FSTL5: variants seen among roughly 807,000 people sequenced by gnomAD.
FSTL5 encodes follistatin like 5.
A neutral mutation model predicts 89.1 loss-of-function variants in FSTL5; 62 were observed. The observed-to-expected ratio is 0.70, with a 90% CI of 0.57 to 0.86. The LOEUF (loss-of-function observed/expected upper bound fraction) is 0.86. Among genes scored for constraint, FSTL5 ranks in the 40% least tolerant of loss-of-function variants. The probability of loss-of-function intolerance (pLI) is 0.00; values close to 1 mark genes in which losing one functional copy is unlikely to be tolerated. For synonymous variants in FSTL5, 383 were observed against 346.2 expected (o/e 1.11, Z -1.18); for missense variants, 1,057 against 1,001.6 (o/e 1.06, Z -0.75).
intron 6 of FSTL5, among the ~76,000 whole-genome samples, chr4:161,724,220 G>T (rs1423446738): frequency 6.6e-6 from 1 of 152,028 alleles, no homozygotes; most frequent in East Asian, 1.9e-4. Flanking sequence ...AATGAAGAGA[G>T]GTGATACATA....
rs181813654 is a variant in FSTL5 at position 162,064,233 on chromosome 4, A to G, written c.127-30575T>C. Among the ~76,000 whole-genome samples, 3 of 152,160 alleles carry G rather than the reference A, an allele frequency of 2.0e-5. No individual in the cohort carries two copies. In the East Asian group the frequency reaches 5.8e-4, roughly 29 times the overall value. On this transcript the variant is annotated intron_variant, in intron 2 of 15. Transcript: ENST00000306100. ...TATTTACGGATAAGAATTTTTACCAAAAATAACCTTTGGTACCTGCATGAT... is the reference window on the plus strand; with the variant it reads ...TATTTACGGATAAGAATTTTTACCAGAAATAACCTTTGGTACCTGCATGAT...
chr4:162,108,172 A>AAGT (rs1731293703), intron 2 of FSTL5, among the ~76,000 whole-genome samples: 1 of 152,146 alleles, frequency 6.6e-6, no homozygotes, highest in African/African-American at 2.4e-5. Flanking sequence ...TGTGGATTAT[A>AAGT]AGTAAGATTT....
At chr4:162,146,928 C>T (rs1369433258) in intron 1 of FSTL5, among the ~76,000 whole-genome samples, 1 of 151,864 alleles carries the variant, frequency 6.6e-6, no homozygotes, top group Non-Finnish European at 1.5e-5. Flanking sequence ...ACTACAGGCG[C>T]ACGCCACCAT....
intron 4 of FSTL5, among the ~76,000 whole-genome samples, chr4:161,825,633 A>AG (rs2126855588): frequency 6.6e-6 from 1 of 152,204 alleles, no homozygotes; most frequent in South Asian, 2.1e-4. Context: ...GTATATTTCC[A>AG]GGAATTTATC....
rs542075961 is a variant in FSTL5 at position 162,001,501 on chromosome 4, CATT to C, written c.160+32121_160+32123del. Among the ~76,000 whole-genome samples, 5 of 152,124 alleles carry C rather than the reference CATT, an allele frequency of 3.3e-5. No homozygotes were observed. The South Asian group carries it at 1.0e-3, about 32-fold the overall frequency. ...TGTTTCTATGAGATCTAGTTCTCCT[CATT>C]GTACATGAAGGGTCTGATAGTGAGC... On this transcript the variant is annotated intron_variant, in intron 3 of 15. Coordinates refer to ENST00000306100, the MANE Select transcript of FSTL5 (RefSeq NM_020116.5).
chr4:161,898,730 T>C (rs982102804), intron 4 of FSTL5, among the ~76,000 whole-genome samples: 4 of 150,808 alleles, frequency 2.7e-5, no homozygotes, highest in Admixed American at 1.3e-4. Flanking sequence ...CCCGGGTTCA[T>C]GCCATTCTCC....
intron 2 of FSTL5, among the ~76,000 whole-genome samples, chr4:162,089,864 A>T (rs1730474180): frequency 1.3e-5 from 2 of 152,130 alleles, no homozygotes; most frequent in Non-Finnish European, 2.9e-5. Flanking sequence ...GCAAAATGTT[A>T]TTAAACTTTA....
intron 4 of FSTL5, among the ~76,000 whole-genome samples, chr4:161,812,197 T>A (rs1194814890): frequency 6.6e-6 from 1 of 152,198 alleles, no homozygotes; most frequent in Admixed American, 6.5e-5. Flanking sequence ...GATGTTTCAT[T>A]TAAAAAATAG....
intron 8 of FSTL5, among the ~76,000 whole-genome samples, chr4:161,579,745 G>GAAAAAAAAAAAAAAAA: frequency 2.1e-5 from 1 of 48,106 alleles, no homozygotes; most frequent in Non-Finnish European, 5.3e-5. Flanking sequence ...AAAAAAAAAA[G>GAAAAAAAAAAAAAAAA]AAAGAAAAAG....
At chr4:161,432,657 T>A (rs965459455) in intron 15 of FSTL5, among the ~76,000 whole-genome samples, 9 of 150,714 alleles carry the variant, frequency 6.0e-5, no homozygotes, top group Admixed American at 3.3e-4. Flanking sequence ...TTTTTTGAAA[T>A]ATAAATAAAA....
chr4:162,066,320 C>CTT (rs58234335), intron 2 of FSTL5, among the ~76,000 whole-genome samples: 50 of 36,246 alleles, frequency 1.4e-3, no homozygotes, highest in African/African-American at 3.4e-3. Context: ...TCTTCTTCTT[C>CTT]TTCTTCTTCT....
chr4:161,929,999 G>C (rs1734242889), intron 3 of FSTL5, among the ~76,000 whole-genome samples: 1 of 151,690 alleles, frequency 6.6e-6, no homozygotes, highest in African/African-American at 2.4e-5. Context: ...AACAATGTCA[G>C]ATTTTTTAAG....
intron 3 of FSTL5, among the ~76,000 whole-genome samples, chr4:161,934,970 ACT>A (rs1734391430): frequency 6.6e-6 from 1 of 152,122 alleles, no homozygotes; most frequent in African/African-American, 2.4e-5. Flanking sequence ...TAGCCCACAA[ACT>A]CTACTTAAAC....
intron 4 of FSTL5, among the ~76,000 whole-genome samples, chr4:161,844,926 T>TATA (rs1184417334): frequency 2.0e-5 from 3 of 151,654 alleles, no homozygotes; most frequent in Non-Finnish European, 2.9e-5. Flanking sequence ...GAACTTACAG[T>TATA]ATAATAATAA....
chr4:161,457,831 T>C (rs1363984575), intron 14 of FSTL5, among the ~76,000 whole-genome samples: 2 of 152,208 alleles, frequency 1.3e-5, no homozygotes, highest in African/African-American at 4.8e-5. Flanking sequence ...CATATTGTGA[T>C]AGATGATTCT....
chr4:161,538,944 T>C (rs1731726768), intron 9 of FSTL5, among the ~76,000 whole-genome samples: 1 of 151,894 alleles, frequency 6.6e-6, no homozygotes, highest in African/African-American at 2.4e-5. Context: ...TTTGTATCTT[T>C]AGTAGAGATG....
At chr4:161,821,035 C>CTTTG (rs1002286061) in intron 4 of FSTL5, among the ~76,000 whole-genome samples, 3 of 150,582 alleles carry the variant, frequency 2.0e-5, no homozygotes, top group East Asian at 1.9e-4. Flanking sequence ...AACAAGTTTT[C>CTTTG]TTTGTTTGTT....
intron 3 of FSTL5, among the ~76,000 whole-genome samples, chr4:161,952,753 A>G (rs946328531): frequency 1.3e-5 from 2 of 151,922 alleles, no homozygotes; most frequent in Non-Finnish European, 2.9e-5. Flanking sequence ...TTCGGGTATT[A>G]ATTGAGACCT....
intron 3 of FSTL5, among the ~76,000 whole-genome samples, chr4:161,934,998 A>G (rs1321677074): frequency 6.6e-6 from 1 of 152,182 alleles, no homozygotes; most frequent in East Asian, 1.9e-4. Context: ...TGGTTCAATT[A>G]TGGTGCATAC....
Sources: allele counts gnomAD v4.1 joint callset (sites outside exome capture counted in the v4.1 genomes callset), GRCh38; gene constraint gnomAD v4.1.1; transcripts MANE v1.5; gene names NCBI Gene and HGNC (gene_info 2026-07-23, HGNC 2026-07-21).